SGCZ: variants seen among roughly 807,000 people sequenced by gnomAD.
The protein encoded by SGCZ is zeta-sarcoglycan.
A neutral mutation model predicts 41.3 loss-of-function variants in SGCZ; 40 were observed. The ratio of observed to expected loss-of-function variants is 0.97; its 90% CI spans 0.75 to 1.26. SGCZ has a LOEUF of 1.26. Among genes scored for constraint, SGCZ ranks in the 50% most tolerant of loss-of-function variants. The pLI is 0.00. For missense variants in SGCZ, 552 were observed against 369.8 expected (o/e 1.49, Z -4.04); for synonymous variants, 206 against 137.5 (o/e 1.50, Z -3.49).
chr8:15,098,607 A>C (rs1806478375), intron 1 of SGCZ, among the ~76,000 whole-genome samples: 1 of 152,192 alleles, frequency 6.6e-6, no homozygotes, highest in African/African-American at 2.4e-5. Flanking sequence ...TAAATGCTTT[A>C]CTTGTTTTGA....
At chr8:15,085,792 C>G (rs758048034) in intron 1 of SGCZ, among the ~76,000 whole-genome samples, 2 of 152,118 alleles carry the variant, frequency 1.3e-5, no homozygotes, top group Non-Finnish European at 2.9e-5. Flanking sequence ...GGACTCCTGT[C>G]TACATTTTGC....
intron 1 of SGCZ, among the ~76,000 whole-genome samples, chr8:14,609,360 A>T (rs569987057): frequency 6.6e-6 from 1 of 152,314 alleles, no homozygotes; most frequent in South Asian, 2.1e-4. Flanking sequence ...AACAGAACCA[A>T]ACAAAAGTTT....
chr8:14,097,499 T>C (rs1471997799), intron 7 of SGCZ, among the ~76,000 whole-genome samples: 9 of 152,166 alleles, frequency 5.9e-5, no homozygotes, highest in Non-Finnish European at 1.5e-5. Flanking sequence ...CTGAGGAGTG[T>C]TTTACTTCCA....
At chr8:15,153,083 A>G (rs542724518) in intron 1 of SGCZ, among the ~76,000 whole-genome samples, 1 of 152,364 alleles carries the variant, frequency 6.6e-6, no homozygotes, top group South Asian at 2.1e-4. Flanking sequence ...ACCAAAGAAA[A>G]GAGAAAATCA....
At chr8:14,130,383 A>T (rs1803001665) in intron 5 of SGCZ, among the ~76,000 whole-genome samples, 1 of 152,186 alleles carries the variant, frequency 6.6e-6, no homozygotes, top group South Asian at 2.1e-4. Context: ...TGGAGATAAG[A>T]AAAAGAATCA....
intron 7 of SGCZ, among the ~76,000 whole-genome samples, chr8:14,100,895 C>G (rs1281589105): frequency 6.6e-6 from 1 of 151,746 alleles, no homozygotes; most frequent in Non-Finnish European, 1.5e-5. Flanking sequence ...TCAATTTGAC[C>G]TTTGTGGGCT....
chr8:14,877,069 G>A (rs1011223855), intron 1 of SGCZ, among the ~76,000 whole-genome samples: 1 of 152,152 alleles, frequency 6.6e-6, no homozygotes, highest in Non-Finnish European at 1.5e-5. Flanking sequence ...TGCCTCCCGG[G>A]TTCAAGCAAT....
At chr8:14,673,776 A>T (rs1314094384) in intron 1 of SGCZ, among the ~76,000 whole-genome samples, 1 of 152,226 alleles carries the variant, frequency 6.6e-6, no homozygotes, top group East Asian at 1.9e-4. Flanking sequence ...AAGAAAACCA[A>T]GGACAATCTG....
At chr8:14,702,870 TAGATAGATAGATAAAA>T (rs1809204317) in intron 1 of SGCZ, among the ~76,000 whole-genome samples, 1 of 132,652 alleles carries the variant, frequency 7.5e-6, no homozygotes, top group South Asian at 2.4e-4. Context: ...GATAGATAGA[TAGATAGATAGATAAAA>T]AGATAGATAG....
At chr8:15,009,948 G>T (rs779063093) in intron 1 of SGCZ, among the ~76,000 whole-genome samples, 9 of 152,066 alleles carry the variant, frequency 5.9e-5, no homozygotes, top group Non-Finnish European at 1.3e-4. Flanking sequence ...TGTAACTCAA[G>T]CTTAAATATA....
At chr8:14,433,133 A>T (rs1799993390) in intron 2 of SGCZ, among the ~76,000 whole-genome samples, 1 of 152,200 alleles carries the variant, frequency 6.6e-6, no homozygotes, top group Non-Finnish European at 1.5e-5. Context: ...ATAAAATTGC[A>T]GTTATTCTTA....
rs967609641 is a variant in SGCZ at position 14,102,050 on chromosome 8, G to A, written c.744+326C>T. On this transcript the variant is annotated intron_variant, in intron 7 of 7. Coordinates refer to ENST00000382080, the MANE Select transcript of SGCZ (RefSeq NM_139167.4). ...GCCTCCCAAGTAGCTGGGACTACAG[G>A]TGCCTGCCACTATGCTTGGCTAACT... 5.4e-5 allele frequency among the ~76,000 whole-genome samples: 8 copies of A among 148,260 alleles called. No homozygotes were observed. In the East Asian group the frequency reaches 8.0e-4, roughly 15 times the overall value.
intron 2 of SGCZ, among the ~76,000 whole-genome samples, chr8:14,544,792 G>C (rs1803574391): frequency 6.6e-6 from 1 of 152,130 alleles, no homozygotes; most frequent in Non-Finnish European, 1.5e-5. Context: ...ACCCTTATCT[G>C]TGGTTCTGCT....
At chr8:14,612,832 C>A (rs1434540708) in intron 1 of SGCZ, among the ~76,000 whole-genome samples, 1 of 152,020 alleles carries the variant, frequency 6.6e-6, no homozygotes, top group South Asian at 2.1e-4. Context: ...ATTACAAGAA[C>A]CTGCCATCAC....
chr8:14,675,187 A>C (rs1585173485), intron 1 of SGCZ, among the ~76,000 whole-genome samples: 1 of 151,264 alleles, frequency 6.6e-6, no homozygotes, highest in Non-Finnish European at 1.5e-5. Flanking sequence ...TGATCTGCCC[A>C]CCTCGGCCTC....
chr8:14,486,212 C>G (rs889857151), intron 2 of SGCZ, among the ~76,000 whole-genome samples: 11 of 152,086 alleles, frequency 7.2e-5, no homozygotes, highest in African/African-American at 2.4e-4. Flanking sequence ...TCAAACTTGC[C>G]TACACTTCCT....
intron 1 of SGCZ, among the ~76,000 whole-genome samples, chr8:14,780,360 G>A (rs1175119789): frequency 1.4e-5 from 2 of 144,034 alleles, no homozygotes; most frequent in Non-Finnish European, 3.0e-5. Flanking sequence ...GGGCCACAGA[G>A]TGAGACTCCA....
At chr8:14,639,038 C>CTTTTTTTTTTTT (rs148778266) in intron 1 of SGCZ, among the ~76,000 whole-genome samples, 1 of 137,614 alleles carries the variant, frequency 7.3e-6, no homozygotes, top group Non-Finnish European at 1.6e-5. Context: ...AAACTGGAAT[C>CTTTTTTTTTTTT]TTTTTTTTTT....
chr8:14,780,328 T>C (rs1032057502), intron 1 of SGCZ, among the ~76,000 whole-genome samples: 10 of 150,228 alleles, frequency 6.7e-5, no homozygotes, highest in Non-Finnish European at 1.5e-4. Flanking sequence ...TGAGCTGAGA[T>C]TGCGCCATTG....
Sources: gnomAD v4.1 joint callset for allele counts (sites outside exome capture counted in the v4.1 genomes callset) on GRCh38, gnomAD v4.1.1 for gene constraint, MANE v1.5 for transcripts, NCBI Gene and HGNC (gene_info 2026-07-23, HGNC 2026-07-21) for gene names.